The following DPRX variants were observed in gnomAD, a reference collection of about 807,000 sequenced individuals.
DPRX encodes divergent-paired related homeobox.
A neutral mutation model predicts 8.4 loss-of-function variants in DPRX; 11 were observed. The observed-to-expected ratio is 1.31, with a 90% CI of 0.82 to 2.17. The LOEUF (loss-of-function observed/expected upper bound fraction) is 2.17. Among genes scored for constraint, DPRX ranks in the 30% most tolerant of loss-of-function variants. The pLI is 0.00. For synonymous variants in DPRX, 72 were observed against 87.0 expected (o/e 0.83, Z 0.96); for missense variants, 211 against 236.7 (o/e 0.89, Z 0.71).
the DPRX span, among the ~76,000 whole-genome samples, chr19:53,613,852 T>A: frequency 6.6e-6 from 1 of 152,058 alleles, no homozygotes; most frequent in Non-Finnish European, 1.5e-5. Context: ...CGAAGGAGAT[T>A]GAGGATTTTT....
chr19:53,633,579 G>A (rs977773558), intron 1 of DPRX, among the ~76,000 whole-genome samples: 6 of 151,796 alleles, frequency 4.0e-5, no homozygotes, highest in African/African-American at 4.8e-5. Context: ...GCATAATCTC[G>A]GCTCACCACA....
upstream of DPRX, among the ~76,000 whole-genome samples, chr19:53,628,458 T>C (rs2091079167): frequency 6.6e-6 from 1 of 152,194 alleles, no homozygotes; most frequent in South Asian, 2.1e-4. Context: ...TGACACTTCT[T>C]AGTGTTTTTC....
At chr19:53,620,130 C>A in the DPRX span, among the ~76,000 whole-genome samples, 1 of 151,810 alleles carries the variant, frequency 6.6e-6, no homozygotes, top group African/African-American at 2.4e-5. Context: ...AGTGCTATAG[C>A]GTGATCTCGC....
the DPRX span, among the ~76,000 whole-genome samples, chr19:53,612,144 G>A: frequency 1.3e-5 from 2 of 151,992 alleles, no homozygotes; most frequent in African/African-American, 4.8e-5. Context: ...AACACATTGG[G>A]GGGCCAAGGC....
At chr19:53,625,079 T>C in the DPRX span, among the ~76,000 whole-genome samples, 4 of 150,400 alleles carry the variant, frequency 2.7e-5, no homozygotes, top group African/African-American at 7.3e-5. Flanking sequence ...TTTTTTTTTT[T>C]TGAGACAGGG....
the DPRX span, chr19:53,603,224 C>T: frequency 3.3e-5 from 14 of 418,824 alleles, no homozygotes; most frequent in African/African-American, 1.6e-4. Flanking sequence ...GCCAAAAGTG[C>T]GCCTACTAAG....
the DPRX span, among the ~76,000 whole-genome samples, chr19:53,623,427 T>G: frequency 6.9e-6 from 1 of 145,380 alleles, no homozygotes; most frequent in East Asian, 2.1e-4. Context: ...TCACCTGAGG[T>G]TGGGAGTTTG....
chr19:53,602,081 C>A, the DPRX span: 5 of 456,532 alleles, frequency 1.1e-5, no homozygotes, highest in East Asian at 3.5e-4. Context: ...GCAACACAGC[C>A]GCTGCGATGT....
At chr19:53,601,489 T>C in the DPRX span, 67 of 367,354 alleles carry the variant, frequency 1.8e-4, no homozygotes, top group South Asian at 1.3e-3. Context: ...TATTCTTTTT[T>C]TTTTTTTTTT....
intron 2 of DPRX, among the ~76,000 whole-genome samples, chr19:53,636,388 A>AAAAAT (rs1819646229): frequency 1.3e-5 from 2 of 148,960 alleles, no homozygotes; most frequent in Non-Finnish European, 3.0e-5. Context: ...AAATAAAATA[A>AAAAAT]AAATAAATAA....
chr19:53,607,689 C>A, the DPRX span, among the ~76,000 whole-genome samples: 146 of 129,096 alleles, frequency 1.1e-3, 1 homozygote, highest in African/African-American at 1.4e-3. Flanking sequence ...CCGTCTCTAC[C>A]AAAAAAAAAA....
At chr19:53,631,612 TAGTC>T (rs2091093097), upstream of DPRX, among the ~76,000 whole-genome samples, 1 of 151,606 alleles carries the variant, frequency 6.6e-6, no homozygotes, top group South Asian at 2.1e-4. Flanking sequence ...ATACAAAAAT[TAGTC>T]AGGAGTGGTG....
the DPRX span, among the ~76,000 whole-genome samples, chr19:53,604,251 G>T: frequency 6.6e-6 from 1 of 151,962 alleles, no homozygotes; most frequent in Non-Finnish European, 1.5e-5. Flanking sequence ...GGCATGTACT[G>T]GGGGTCTTGG....
chr19:53,608,004 C>T, the DPRX span, among the ~76,000 whole-genome samples: 1 of 151,132 alleles, frequency 6.6e-6, no homozygotes, highest in Admixed American at 6.6e-5. Flanking sequence ...AAAACCCCAT[C>T]TCTATTAAAA....
chr19:53,631,887 G>A (rs151122156), upstream of DPRX, among the ~76,000 whole-genome samples: 197 of 152,230 alleles, frequency 1.3e-3, 1 homozygote, highest in Non-Finnish European at 2.3e-3. Flanking sequence ...CCTTTGAGTC[G>A]TTGGTCTCCG....
At chr19:53,618,545 T>A in the DPRX span, among the ~76,000 whole-genome samples, 8 of 147,132 alleles carry the variant, frequency 5.4e-5, no homozygotes, top group South Asian at 1.7e-3. Context: ...CCAAGGTGGG[T>A]GGATCGCTTG....
At chr19:53,607,689 C>CAAAA in the DPRX span, among the ~76,000 whole-genome samples, 2 of 129,180 alleles carry the variant, frequency 1.5e-5, no homozygotes, top group Admixed American at 8.1e-5. Context: ...CCGTCTCTAC[C>CAAAA]AAAAAAAAAA....
the DPRX span, among the ~76,000 whole-genome samples, chr19:53,621,896 A>G: frequency 3.4e-4 from 52 of 152,324 alleles, no homozygotes; most frequent in Admixed American, 7.9e-4. Flanking sequence ...TATGTTTACC[A>G]GAGCAAACTA....
chr19:53,614,092 A>G, the DPRX span, among the ~76,000 whole-genome samples: 1 of 151,870 alleles, frequency 6.6e-6, no homozygotes, highest in South Asian at 2.1e-4. Context: ...CTGGGACTAC[A>G]GGTGCACACC....
Sources: gnomAD v4.1 joint callset for allele counts (sites outside exome capture counted in the v4.1 genomes callset) on GRCh38, gnomAD v4.1.1 for gene constraint, MANE v1.5 for transcripts, NCBI Gene and HGNC (gene_info 2026-07-23, HGNC 2026-07-21) for gene names.